The following MSRA variants were observed in gnomAD, a reference collection of about 807,000 sequenced individuals.
The protein encoded by MSRA is mitochondrial peptide methionine sulfoxide reductase.
MSRA carries 54 observed loss-of-function variants against 31.3 expected under a neutral mutation model. The observed-to-expected ratio is 1.73, with a 90% CI of 1.39 to 2.17. MSRA has a LOEUF of 2.17. Among genes scored for constraint, MSRA ranks in the 30% most tolerant of loss-of-function variants. MSRA has a pLI of 0.00. For synonymous variants in MSRA, 169 were observed against 116.5 expected, an observed-to-expected ratio of 1.45 and a Z score of -2.90; for missense variants, 507 against 300.9, an observed-to-expected ratio of 1.69 and a Z score of -5.07.
chr8:10,269,111 G>A (rs1798895923), intron 3 of MSRA, among the ~76,000 whole-genome samples: 1 of 152,218 alleles, frequency 6.6e-6, no homozygotes, highest in Admixed American at 6.5e-5. Flanking sequence ...TCTAGCCAAT[G>A]TCGATGGATT....
intron 1 of MSRA, among the ~76,000 whole-genome samples, chr8:10,110,279 T>G (rs1198022942): frequency 6.6e-6 from 1 of 152,252 alleles, no homozygotes; most frequent in Non-Finnish European, 1.5e-5. Flanking sequence ...CAGGTTTTCT[T>G]TGGTGGTTTT....
At chr8:10,198,702 C>G (rs1230769037) in intron 1 of MSRA, among the ~76,000 whole-genome samples, 1 of 152,196 alleles carries the variant, frequency 6.6e-6, no homozygotes, top group Non-Finnish European at 1.5e-5. Context: ...TAGCTCAATG[C>G]AGCTTCTAAC....
chr8:10,426,020 A>G (rs1422258342), intron 5 of MSRA, among the ~76,000 whole-genome samples: 2 of 152,142 alleles, frequency 1.3e-5, no homozygotes, highest in African/African-American at 4.8e-5. Context: ...TTGTCACCAG[A>G]ATATTCCATT....
At chr8:10,301,453 GT>G (rs1800838646) in intron 3 of MSRA, 80 bp from the exon 4 acceptor site, 1 of 1,075,236 alleles carries the variant, frequency 9.3e-7, no homozygotes. Flanking sequence ...GCTTTTGTCT[GT>G]TGTTTTTTTT....
rs995898345 is a variant in MSRA at position 10,308,858 on chromosome 8, T to C, written c.436+7220T>C. Reference sequence around the variant, plus strand: ...TGGAACCTCATTGCTTCTCTTCTGCTAAGCAAAGTCAGTGATGCCTACTTC... The same window carrying C: ...TGGAACCTCATTGCTTCTCTTCTGCCAAGCAAAGTCAGTGATGCCTACTTC... On this transcript the variant is annotated intron_variant, in intron 4 of 5. Transcript: ENST00000317173. 2.0e-5 allele frequency among the ~76,000 whole-genome samples: 3 copies of C among 152,208 alleles called. 1 individual carries two copies. Among genetic ancestry groups the C allele is most frequent in the Non-Finnish European group, 4.4e-5 (3 of 68,038 alleles).
chr8:10,136,860 G>C (rs910202558), intron 1 of MSRA, among the ~76,000 whole-genome samples: 2 of 152,166 alleles, frequency 1.3e-5, no homozygotes, highest in African/African-American at 4.8e-5. Context: ...ATTAGAACTT[G>C]TGTCTTCTTC....
chr8:10,296,403 A>G (rs1047043647), intron 3 of MSRA, among the ~76,000 whole-genome samples: 1 of 152,194 alleles, frequency 6.6e-6, no homozygotes, highest in Admixed American at 6.5e-5. Context: ...ACGCTTCCCA[A>G]ATACTTTCCC....
At chr8:10,421,345 G>A (rs1472955547) in intron 5 of MSRA, among the ~76,000 whole-genome samples, 1 of 152,292 alleles carries the variant, frequency 6.6e-6, no homozygotes, top group Middle Eastern at 3.4e-3. Flanking sequence ...CGTGAATAGA[G>A]GGTGGAAGCC....
intron 1 of MSRA, among the ~76,000 whole-genome samples, chr8:10,102,976 G>A (rs1799634986): frequency 6.6e-6 from 1 of 152,130 alleles, no homozygotes; most frequent in African/African-American, 2.4e-5. Flanking sequence ...CTTGTTTAAT[G>A]ATAGTTACAT....
chr8:10,227,701 G>C (rs575342243), intron 2 of MSRA, among the ~76,000 whole-genome samples: 5 of 152,190 alleles, frequency 3.3e-5, no homozygotes, highest in Non-Finnish European at 5.9e-5. Flanking sequence ...GGGCTGAAAA[G>C]AAAAATTAAT....
At chr8:10,285,579 T>C (rs990053398) in intron 3 of MSRA, among the ~76,000 whole-genome samples, 3 of 152,188 alleles carry the variant, frequency 2.0e-5, no homozygotes, top group Non-Finnish European at 4.4e-5. Flanking sequence ...GGTTCTGGAA[T>C]ACTGGAACTT....
At chr8:10,166,424 C>G (rs1312178915) in intron 1 of MSRA, among the ~76,000 whole-genome samples, 1 of 151,872 alleles carries the variant, frequency 6.6e-6, no homozygotes, top group African/African-American at 2.4e-5. Context: ...TTGCATATGT[C>G]TGTGCGTGTG....
intron 3 of MSRA, among the ~76,000 whole-genome samples, chr8:10,252,542 G>A (rs1477716440): frequency 6.6e-6 from 1 of 152,154 alleles, no homozygotes; most frequent in Non-Finnish European, 1.5e-5. Flanking sequence ...GCGCCTGCAG[G>A]AGCCCAGGAC....
intron 5 of MSRA, among the ~76,000 whole-genome samples, chr8:10,424,794 A>G (rs75876845): frequency 0.036 from 5,410 of 152,272 alleles, 198 homozygotes; most frequent in Middle Eastern, 0.11. Flanking sequence ...TCCCTGGTGA[A>G]CAGTCAGGGC....
intron 1 of MSRA, among the ~76,000 whole-genome samples, chr8:10,180,819 G>C (rs943907486): frequency 5.9e-5 from 9 of 152,168 alleles, no homozygotes; most frequent in African/African-American, 2.2e-4. Flanking sequence ...CAGGAAATCA[G>C]GTGTTTTTGG....
intron 5 of MSRA, among the ~76,000 whole-genome samples, chr8:10,322,451 G>C (rs551596514): frequency 6.6e-4 from 101 of 152,328 alleles, no homozygotes; most frequent in African/African-American, 2.3e-3. Context: ...GAGTCAATAA[G>C]AGGGACAGGT....
At chr8:10,270,660 G>A (rs1798985726) in intron 3 of MSRA, among the ~76,000 whole-genome samples, 1 of 152,204 alleles carries the variant, frequency 6.6e-6, no homozygotes, top group South Asian at 2.1e-4. Flanking sequence ...GGGGAATTAA[G>A]TGTTATCCAG....
intron 5 of MSRA, among the ~76,000 whole-genome samples, chr8:10,343,259 C>A (rs1282054728): frequency 6.6e-6 from 1 of 152,132 alleles, no homozygotes; most frequent in Non-Finnish European, 1.5e-5. Context: ...GTGAGAACAC[C>A]GTCTCTATCT....
At chr8:10,379,029 G>C (rs1380828203) in intron 5 of MSRA, among the ~76,000 whole-genome samples, 1 of 152,092 alleles carries the variant, frequency 6.6e-6, no homozygotes, top group African/African-American at 2.4e-5. Flanking sequence ...TGCTTATGTT[G>C]GACTTTTTTT....
Sources: gnomAD v4.1 joint callset for allele counts (sites outside exome capture counted in the v4.1 genomes callset) on GRCh38, gnomAD v4.1.1 for gene constraint, MANE v1.5 for transcripts, NCBI Gene and HGNC (gene_info 2026-07-23, HGNC 2026-07-21) for gene names.